Variants in EEF1E1 observed in about 807,000 individuals in gnomAD.
The protein encoded by EEF1E1 is eukaryotic translation elongation factor 1 epsilon 1, also known as eukaryotic translation elongation factor 1 epsilon-1.
A neutral mutation model predicts 19.9 loss-of-function variants in EEF1E1; 19 were observed. That is an observed-to-expected ratio of 0.95 (90% CI 0.66 to 1.40). EEF1E1 has a LOEUF of 1.40. Ranked by LOEUF, EEF1E1 falls within the 40% of genes most tolerant of loss-of-function variation. EEF1E1 has a pLI of 0.00. For missense variants in EEF1E1, 198 were observed against 202.2 expected, an observed-to-expected ratio of 0.98 and a Z score of 0.13; for synonymous variants, 81 against 80.0, an observed-to-expected ratio of 1.01 and a Z score of -0.07.
intron 1 of EEF1E1, among the ~76,000 whole-genome samples, chr6:8,101,243 A>AAAAATATATAT (rs1271033598): frequency 3.4e-5 from 2 of 58,474 alleles, no homozygotes; most frequent in Admixed American, 2.5e-4. Context: ...AAAAAAAAAA[A>AAAAATATATAT]ATATATATAT....
downstream of EEF1E1, among the ~76,000 whole-genome samples, chr6:8,079,141 A>AG (rs150137469): frequency 1.8e-3 from 269 of 152,310 alleles, 3 homozygotes; most frequent in African/African-American, 6.2e-3. Context: ...CTTTCAGTTT[A>AG]AAAAAATCTA....
rs1554143246 is a variant in EEF1E1, at chr6:8,090,299, C to T, written c.289-18G>A. The T allele has an allele frequency of 2.1e-6, 3 of 1,427,144 alleles. No homozygotes were observed. Among genetic ancestry groups the T allele is most frequent in the Non-Finnish European group, 2.8e-6 (3 of 1,081,472 alleles). 88.4% of individuals were successfully genotyped at this position (1,427,144 alleles called of 1,614,324 possible). Reference sequence around the variant, plus strand: ...TTAAGATCCTAGAAAAAAGAAAAAACAAATAAATATTAATGTAAAAAACAG... The same window carrying T: ...TTAAGATCCTAGAAAAAAGAAAAAATAAATAAATATTAATGTAAAAAACAG... On this transcript the variant is annotated intron_variant, in intron 2 of 3. Coordinates refer to ENST00000379715, the MANE Select transcript of EEF1E1 (RefSeq NM_004280.5).
At chr6:8,078,723 A>G, downstream of EEF1E1, 1 of 1,286,180 alleles carries the variant, frequency 7.8e-7, no homozygotes, top group South Asian at 1.2e-5. Flanking sequence ...TCTTATAAAC[A>G]AAACAATCAT....
At chr6:8,101,450 C>T (rs1280765362) in intron 1 of EEF1E1, among the ~76,000 whole-genome samples, 3 of 150,968 alleles carry the variant, frequency 2.0e-5, no homozygotes, top group African/African-American at 4.9e-5. Context: ...GCCACTTTGG[C>T]TCCAACGCCT....
At chr6:8,101,433 AAAG>A (rs1204867525) in intron 1 of EEF1E1, among the ~76,000 whole-genome samples, 1 of 150,556 alleles carries the variant, frequency 6.6e-6, no homozygotes, top group Admixed American at 6.6e-5. Flanking sequence ...GGAAACACCA[AAAG>A]AAGGCCACTT....
downstream of EEF1E1, among the ~76,000 whole-genome samples, chr6:8,075,996 A>C (rs1445062149): frequency 1.3e-5 from 2 of 152,146 alleles, no homozygotes; most frequent in Admixed American, 6.5e-5. Context: ...CATATGTTGA[A>C]GTTTTATCAA....
In EEF1E1 at chr6:8,079,724, C is replaced by G; in HGVS notation, c.*166G>C. On this transcript the variant is annotated 3_prime_UTR_variant, in exon 4 of 4. Coordinates refer to ENST00000379715, the MANE Select transcript of EEF1E1 (RefSeq NM_004280.5). ...TGACATAAAAATTGCAAAACTTCAG[C>G]TAAAGAACAAATAAAACATTCAGAC... The G allele has an allele frequency of 7.9e-7, 1 of 1,272,058 alleles. No individual in the cohort carries two copies. Among genetic ancestry groups the G allele is most frequent in the Non-Finnish European group, 9.9e-7 (1 of 1,006,684 alleles). 78.8% of individuals were successfully genotyped at this position (1,272,058 alleles called of 1,614,324 possible). A position where few individuals can be genotyped will look rare whatever the true frequency, so the allele number is the denominator to read the frequency against.
chr6:8,094,442 C>CA (rs1486565147), intron 2 of EEF1E1, among the ~76,000 whole-genome samples: 1 of 150,666 alleles, frequency 6.6e-6, no homozygotes, highest in South Asian at 2.1e-4. Context: ...ACTAAAAATA[C>CA]AAAAAAAATT....
intron 3 of EEF1E1, among the ~76,000 whole-genome samples, chr6:8,081,997 C>T (rs1375523831): frequency 6.6e-6 from 1 of 152,098 alleles, no homozygotes; most frequent in East Asian, 1.9e-4. Context: ...AAGTTGTTCA[C>T]CCAGATTTTA....
At chr6:8,094,367 C>T (rs1758106405) in intron 2 of EEF1E1, among the ~76,000 whole-genome samples, 2 of 151,672 alleles carry the variant, frequency 1.3e-5, no homozygotes, top group African/African-American at 4.8e-5. Context: ...GAGGCCGAGG[C>T]GGGTGGACCA....
Position 8,090,240 on chromosome 6 carries a change from C to A in EEF1E1, c.330G>T (p.Gly110=). ...GTATATCTGCTAATGTAAAGTTATA[C>A]CCTGTAAGGTAGACTTTATCTTCAA... ...SYLEDKVYLT[G]YNFTLADILL... Residue 110 remains glycine, a synonymous_variant, in exon 3 of 4, where the codon GGG becomes GGT. Transcript: ENST00000379715. The A allele has an allele frequency of 1.3e-6, 2 of 1,514,850 alleles. No homozygotes were observed. The highest frequency in any genetic ancestry group is 1.8e-6 in the Non-Finnish European group (2 of 1,140,522). 93.8% of individuals were successfully genotyped at this position (1,514,850 alleles called of 1,614,324 possible).
At chr6:8,078,689 G>A, downstream of EEF1E1, 3 of 1,285,862 alleles carry the variant, frequency 2.3e-6, no homozygotes, top group Non-Finnish European at 1.0e-6. Context: ...AGACAAACAT[G>A]GGGGCCTGTT....
intron 3 of EEF1E1, 105 bp from the exon 4 acceptor site, chr6:8,080,135 T>TC: frequency 7.7e-7 from 1 of 1,295,076 alleles, no homozygotes; most frequent in Admixed American, 1.9e-5. Context: ...ACAACATCAA[T>TC]CCCCCAAGAG....
In EEF1E1 at chr6:8,090,241, C is replaced by A. The variant is rs747860983; in HGVS notation, c.329G>T (p.Gly110Val). Residue 110 changes from glycine (G) to valine (V), a missense_variant, in exon 3 of 4, where the codon GGG becomes GTG. Coordinates refer to ENST00000379715, the MANE Select transcript of EEF1E1 (RefSeq NM_004280.5). ...TATATCTGCTAATGTAAAGTTATAC[C>A]CTGTAAGGTAGACTTTATCTTCAAG... Reference protein sequence around the residue: ...SYLEDKVYLTGYNFTLADILL... With the variant: ...SYLEDKVYLTVYNFTLADILL... 2.0e-6 allele frequency: 3 copies of A among 1,501,074 alleles called. No homozygotes were observed. The highest frequency in any genetic ancestry group is 2.6e-6 in the Non-Finnish European group (3 of 1,134,136). 93.0% of individuals were successfully genotyped at this position (1,501,074 alleles called of 1,614,324 possible).
At chr6:8,090,111 T>A (rs776167448) in intron 3 of EEF1E1, 75 bp downstream of exon 3, 1 of 1,288,116 alleles carries the variant, frequency 7.8e-7, no homozygotes, top group Non-Finnish European at 1.1e-6. Flanking sequence ...CAAATCTGAT[T>A]TAAATTCAAG....
chr6:8,101,150 C>T (rs1367970579), intron 1 of EEF1E1, among the ~76,000 whole-genome samples: 6 of 141,644 alleles, frequency 4.2e-5, no homozygotes, highest in African/African-American at 8.0e-5. Flanking sequence ...CGCTTGAACC[C>T]GGGAGGCAGA....
downstream of EEF1E1, among the ~76,000 whole-genome samples, chr6:8,077,814 CAG>C (rs1405807889): frequency 1.3e-5 from 2 of 152,050 alleles, no homozygotes; most frequent in African/African-American, 2.4e-5. Flanking sequence ...TATTTTGAGA[CAG>C]GGGCTCACTC....
At chr6:8,102,312 TG>T in intron 1 of EEF1E1, 122 bp downstream of exon 1, 1 of 1,052,630 alleles carries the variant, frequency 9.5e-7, no homozygotes, top group Non-Finnish European at 1.3e-6. Context: ...CGCAGACACG[TG>T]GGGAGCTGGG....
At chr6:8,090,315 T>C (rs754936930) in intron 2 of EEF1E1, 34 bp from the exon 3 acceptor site, 2 of 1,356,756 alleles carry the variant, frequency 1.5e-6, no homozygotes, top group Admixed American at 5.8e-5. Flanking sequence ...AATATTAATG[T>C]AAAAAACAGT....
Sources: gnomAD v4.1 joint callset for allele counts (sites outside exome capture counted in the v4.1 genomes callset) on GRCh38, gnomAD v4.1.1 for gene constraint, MANE v1.5 for transcripts, NCBI Gene and HGNC (gene_info 2026-07-23, HGNC 2026-07-21) for gene names.